The following COL4A2 variants were observed in gnomAD, a reference collection of about 807,000 sequenced individuals.
COL4A2 encodes the protein collagen type IV alpha 2 chain.
COL4A2 carries 99 observed loss-of-function variants against 200.2 expected under a neutral mutation model. The ratio of observed to expected loss-of-function variants is 0.49; its 90% confidence interval spans 0.42 to 0.58. The LOEUF (loss-of-function observed/expected upper bound fraction) is 0.58. Among genes scored for constraint, COL4A2 ranks in the 20% least tolerant of loss-of-function variants. COL4A2 has a pLI of 0.00. For missense variants in COL4A2, 1,950 were observed against 2,314.1 expected (o/e 0.84, Z 3.23); for synonymous variants, 897 against 900.6 (o/e 1.00, Z 0.07).
In COL4A2 at chr13:110,503,811, T is replaced by C. The variant is rs765062959; in HGVS notation, c.4139-36T>C. The C allele has an allele frequency of 2.5e-6, 4 of 1,612,888 alleles. No individual in the cohort carries two copies. The Admixed American group carries it at 6.7e-5, about 27-fold the overall frequency. ...TCGGAGCAAGAGAGTGGAACGACCTTGTGTGTTTACTGGGGCCTCTCTGTT... is the reference window on the plus strand; with the variant it reads ...TCGGAGCAAGAGAGTGGAACGACCTCGTGTGTTTACTGGGGCCTCTCTGTT... On this transcript the variant is annotated intron_variant, in intron 43 of 47. Coordinates refer to ENST00000360467, the MANE Select transcript of COL4A2 (RefSeq NM_001846.4).
In COL4A2 at chr13:110,307,759, C is replaced by G. The variant is rs557226765; in HGVS notation, c.-44-101C>G. 1 of 1,142,108 alleles carries G rather than the reference C, an allele frequency of 8.8e-7. No homozygotes were observed. Among genetic ancestry groups the G allele is most frequent in the African/African-American group, 1.6e-5 (1 of 63,800 alleles). 70.7% of individuals were successfully genotyped at this position (1,142,108 alleles called of 1,614,324 possible). A position where few individuals can be genotyped will look rare whatever the true frequency, so the allele number is the denominator to read the frequency against. ...CCTCCGGTCACCCCTGCATGCGGGCCGCGCACCGCGCTGTCCCCGCGTCTC... is the reference window on the plus strand; with the variant it reads ...CCTCCGGTCACCCCTGCATGCGGGCGGCGCACCGCGCTGTCCCCGCGTCTC... On this transcript the variant is annotated intron_variant, in intron 1 of 47. Transcript: ENST00000360467. This position sits in a 1 kb window ranked among gnomAD's most constrained non-coding sequence, Gnocchi z 5.0.
In COL4A2 at chr13:110,508,766, G is replaced by C. The variant is rs374353818; in HGVS notation, c.4881+545G>C. Reference sequence around the variant, plus strand: ...AGGTGCACAACCAGGACCTGGGAAGGCACCGCCCACCCTTCCGGATCGCCT... The same window carrying C: ...AGGTGCACAACCAGGACCTGGGAAGCCACCGCCCACCCTTCCGGATCGCCT... On this transcript the variant is annotated intron_variant, in intron 47 of 47. Coordinates refer to ENST00000360467, the MANE Select transcript of COL4A2 (RefSeq NM_001846.4). The surrounding 1 kb of genome is among the most constrained non-coding windows in gnomAD (Gnocchi z 6.1). Among the ~76,000 whole-genome samples the C allele has an allele frequency of 5.3e-4, 80 of 152,272 alleles. 1 individual carries two copies. The highest frequency in any genetic ancestry group is 1.9e-3 in the African/African-American group (79 of 41,552).
intron 24 of COL4A2, among the ~76,000 whole-genome samples, chr13:110,464,064 G>A (rs563252274): frequency 1.3e-5 from 2 of 152,170 alleles, no homozygotes; most frequent in African/African-American, 4.8e-5. Context: ...TATGTGTGGT[G>A]TGTGGTGTGC....
intron 37 of COL4A2, 147 bp downstream of exon 37, chr13:110,491,487 A>C: frequency 1.5e-6 from 1 of 646,906 alleles, no homozygotes; most frequent in Non-Finnish European, 2.8e-6. Flanking sequence ...AGCTTTCCTC[A>C]GTGCTGATGG....
At chr13:110,496,930 A>C (rs1883479383) in intron 40 of COL4A2, among the ~76,000 whole-genome samples, 1 of 142,392 alleles carries the variant, frequency 7.0e-6, no homozygotes, top group Non-Finnish European at 1.5e-5. Context: ...GCACAGCCTC[A>C]GTCGGGGTGA....
At chr13:110,312,114 C>T (rs1885001688) in intron 3 of COL4A2, among the ~76,000 whole-genome samples, 1 of 152,192 alleles carries the variant, frequency 6.6e-6, no homozygotes, top group Admixed American at 6.5e-5. Context: ...AAAACATGGC[C>T]CTCTGAGAAG....
At chr13:110,315,583 A>G (rs917554937) in intron 3 of COL4A2, among the ~76,000 whole-genome samples, 1 of 152,100 alleles carries the variant, frequency 6.6e-6, no homozygotes, top group African/African-American at 2.4e-5. Context: ...TTTAGTAGAG[A>G]CAGGGTTTCA....
intron 37 of COL4A2, among the ~76,000 whole-genome samples, chr13:110,491,719 T>C (rs1460222357): frequency 6.6e-6 from 1 of 152,196 alleles, no homozygotes; most frequent in Non-Finnish European, 1.5e-5. Flanking sequence ...ACGCTGTTGC[T>C]GCTGCTGCTT....
intron 6 of COL4A2, among the ~76,000 whole-genome samples, chr13:110,426,929 G>A (rs1880491470): frequency 6.6e-6 from 1 of 152,132 alleles, no homozygotes; most frequent in Non-Finnish European, 1.5e-5. Flanking sequence ...CAAACAGATC[G>A]AGAAGCTGCC....
chr13:110,410,300 G>A (rs866904019), intron 4 of COL4A2, among the ~76,000 whole-genome samples: 2 of 152,222 alleles, frequency 1.3e-5, no homozygotes, highest in Non-Finnish European at 2.9e-5. Flanking sequence ...TTCTCTAGGC[G>A]TTGTTGCCAA....
intron 27 of COL4A2, among the ~76,000 whole-genome samples, chr13:110,468,620 G>T (rs978990239): frequency 6.6e-6 from 1 of 152,094 alleles, no homozygotes; most frequent in Non-Finnish European, 1.5e-5. Flanking sequence ...CCTGCTGTCC[G>T]CACTCCACTT....
chr13:110,330,768 A>G (rs974049224), intron 3 of COL4A2, among the ~76,000 whole-genome samples: 5 of 152,132 alleles, frequency 3.3e-5, no homozygotes, highest in South Asian at 2.1e-4. Context: ...CCTACTAGAT[A>G]CTTTTTGCTG....
intron 4 of COL4A2, among the ~76,000 whole-genome samples, chr13:110,366,150 C>T (rs572524690): frequency 1.1e-3 from 167 of 152,316 alleles, no homozygotes; most frequent in African/African-American, 4.0e-3. Flanking sequence ...TCTTCAAAGA[C>T]CATTGTTTTG....
intron 4 of COL4A2, among the ~76,000 whole-genome samples, chr13:110,401,819 C>T (rs1422801858): frequency 6.6e-6 from 1 of 152,166 alleles, no homozygotes; most frequent in African/African-American, 2.4e-5. Context: ...GATCAAAGTA[C>T]TAGTAGATTT....
intron 3 of COL4A2, among the ~76,000 whole-genome samples, chr13:110,353,606 T>A (rs1877056685): frequency 6.6e-6 from 1 of 152,208 alleles, no homozygotes; most frequent in South Asian, 2.1e-4. Flanking sequence ...AGAGACTTGT[T>A]GAGTTTTTAA....
chr13:110,331,285 T>C (rs961236355), intron 3 of COL4A2, among the ~76,000 whole-genome samples: 3 of 152,216 alleles, frequency 2.0e-5, no homozygotes, highest in African/African-American at 7.2e-5. Context: ...ACAGGGTTAT[T>C]TGAGAGATAG....
At chr13:110,471,544 G>A (rs1882466911) in intron 28 of COL4A2, among the ~76,000 whole-genome samples, 1 of 152,226 alleles carries the variant, frequency 6.6e-6, no homozygotes, top group Non-Finnish European at 1.5e-5. Flanking sequence ...GCAAACCCAA[G>A]TGCATGGCTC....
chr13:110,498,936 G>A lies in COL4A2; in HGVS notation c.3761-2732G>A, dbSNP rs376195851. ...TTTTGCAAGCCATGCCCCCACCCTCGACCTGCATGAACGTCACAGTGGGCC... is the reference window on the plus strand; with the variant it reads ...TTTTGCAAGCCATGCCCCCACCCTCAACCTGCATGAACGTCACAGTGGGCC... On this transcript the variant is annotated intron_variant, in intron 40 of 47. Transcript: ENST00000360467. 8.5e-5 allele frequency among the ~76,000 whole-genome samples: 13 copies of A among 152,218 alleles called. No homozygotes were observed. The South Asian group carries it at 1.7e-3, about 19-fold the overall frequency.
At chr13:110,507,011 G>A (rs773089979) in intron 46 of COL4A2, among the ~76,000 whole-genome samples, 6 of 152,312 alleles carry the variant, frequency 3.9e-5, no homozygotes, top group South Asian at 2.1e-4. Flanking sequence ...ACAGCCCCCC[G>A]AGGAAAATGG....
Sources: allele counts gnomAD v4.1 joint callset (sites outside exome capture counted in the v4.1 genomes callset), GRCh38; gene constraint gnomAD v4.1.1; non-coding constraint Gnocchi (gnomAD v3.1); transcripts MANE v1.5; gene names NCBI Gene and HGNC (gene_info 2026-07-23, HGNC 2026-07-21).